SPOCK3: variants seen among roughly 807,000 people sequenced by gnomAD.
The protein encoded by SPOCK3 is testican-3.
In SPOCK3, 30 loss-of-function variants were observed where a neutral mutation model predicts 56.6. That is an observed-to-expected ratio of 0.53 (90% CI 0.40 to 0.72). The LOEUF (loss-of-function observed/expected upper bound fraction) is 0.72, where lower values mean the gene tolerates loss of function less well. Among genes scored for constraint, SPOCK3 ranks in the 30% least tolerant of loss-of-function variants. The pLI, the probability that SPOCK3 is intolerant of heterozygous loss-of-function variation, is 0.00. For missense variants in SPOCK3, 527 were observed against 530.0 expected (o/e 0.99, Z 0.06); for synonymous variants, 196 against 183.3 (o/e 1.07, Z -0.56).
intron 5 of SPOCK3, among the ~76,000 whole-genome samples, chr4:166,899,016 C>T (rs1735712749): frequency 6.6e-6 from 1 of 152,000 alleles, no homozygotes; most frequent in Non-Finnish European, 1.5e-5. Context: ...AATTGCCTCT[C>T]TCTGCTTGAG....
At chr4:167,010,825 G>A (rs1371189141) in intron 3 of SPOCK3, among the ~76,000 whole-genome samples, 1 of 152,048 alleles carries the variant, frequency 6.6e-6, no homozygotes, top group Non-Finnish European at 1.5e-5. Flanking sequence ...TCCAGTGGGG[G>A]GGAGATAAAA....
chr4:167,109,121 T>TTTATATAA lies in SPOCK3; in HGVS notation c.190-46585_190-46584insTTATATAA, dbSNP rs1760548100. 1.1e-4 allele frequency among the ~76,000 whole-genome samples: 4 copies of TTTATATAA among 34,956 alleles called. 1 individual carries two copies. Among genetic ancestry groups the TTTATATAA allele is most frequent in the Non-Finnish European group, 1.9e-4 (4 of 20,646 alleles). 22.9% of individuals were successfully genotyped at this position (34,956 alleles called of 152,430 possible). A position where few individuals can be genotyped will look rare whatever the true frequency, so the allele number is the denominator to read the frequency against. On this transcript the variant is annotated intron_variant, in intron 2 of 10. Transcript: ENST00000357545. ...TTATATATTTATATAAAAATATATATAAATATTATATATTTATATAAAAAT... is the reference window on the plus strand; with the variant it reads ...TTATATATTTATATAAAAATATATATTTATATAAAAATATTATATATTTATATAAAAAT...
At chr4:166,786,497 G>A (rs1267308205) in intron 7 of SPOCK3, among the ~76,000 whole-genome samples, 1 of 152,114 alleles carries the variant, frequency 6.6e-6, no homozygotes, top group Admixed American at 6.6e-5. Flanking sequence ...CCTGGATCAT[G>A]AGATTAGGAA....
chr4:167,127,281 T>A (rs1467791519), intron 2 of SPOCK3, among the ~76,000 whole-genome samples: 2 of 152,100 alleles, frequency 1.3e-5, no homozygotes, highest in Non-Finnish European at 2.9e-5. Context: ...CACACACACA[T>A]ACACAATCAA....
rs1295608499 is a variant in SPOCK3 at position 167,018,844 on chromosome 4, T to C, written c.236-18381A>G. Among the ~76,000 whole-genome samples, 7 of 152,124 alleles carry C rather than the reference T, an allele frequency of 4.6e-5. No homozygotes were observed. The East Asian group carries it at 1.4e-3, about 30-fold the overall frequency. ...CACTAACTCTATCTTTGAAGGAAGA[T>C]ACTTTCTTTCTCAGTGAAGCCACCT... On this transcript the variant is annotated intron_variant, in intron 3 of 10. Coordinates refer to ENST00000357545, the MANE Select transcript of SPOCK3 (RefSeq NM_001040159.2).
At chr4:166,977,952 A>G (rs990625693) in intron 4 of SPOCK3, among the ~76,000 whole-genome samples, 1 of 152,294 alleles carries the variant, frequency 6.6e-6, no homozygotes, top group African/African-American at 2.4e-5. Context: ...CTTCTGACCC[A>G]AGTCTAGCCA....
chr4:167,194,913 G>C (rs1255199193), intron 2 of SPOCK3, among the ~76,000 whole-genome samples: 1 of 152,132 alleles, frequency 6.6e-6, no homozygotes, highest in Non-Finnish European at 1.5e-5. Flanking sequence ...TCTCCCATTC[G>C]GTCCCTGTAA....
chr4:166,829,820 G>A (rs2094741137), intron 6 of SPOCK3, among the ~76,000 whole-genome samples: 1 of 151,912 alleles, frequency 6.6e-6, no homozygotes, highest in Non-Finnish European at 1.5e-5. Flanking sequence ...TTGTCTAATA[G>A]TATCTTATTA....
chr4:167,149,892 G>A (rs1764277004), intron 2 of SPOCK3, among the ~76,000 whole-genome samples: 1 of 151,746 alleles, frequency 6.6e-6, no homozygotes, highest in South Asian at 2.1e-4. Flanking sequence ...ATGCAGAGAT[G>A]TGAGTTTGAA....
chr4:167,187,107 G>T (rs1732057312), intron 2 of SPOCK3, among the ~76,000 whole-genome samples: 1 of 151,876 alleles, frequency 6.6e-6, no homozygotes, highest in Admixed American at 6.6e-5. Context: ...TAATAGAGTT[G>T]CAAGGATCAT....
At chr4:166,948,763 G>T (rs1447211735) in intron 4 of SPOCK3, among the ~76,000 whole-genome samples, 1 of 151,950 alleles carries the variant, frequency 6.6e-6, no homozygotes, top group Admixed American at 6.6e-5. Context: ...TTTCTCTCTG[G>T]CTGCCCTTAA....
chr4:167,185,863 C>G (rs1006760084), intron 2 of SPOCK3, among the ~76,000 whole-genome samples: 9 of 152,068 alleles, frequency 5.9e-5, no homozygotes, highest in Non-Finnish European at 1.2e-4. Context: ...TTTCCTTCAC[C>G]CTTATCCCAG....
chr4:166,751,638 A>G (rs1736386657), intron 8 of SPOCK3, among the ~76,000 whole-genome samples: 1 of 152,138 alleles, frequency 6.6e-6, no homozygotes, highest in Non-Finnish European at 1.5e-5. Flanking sequence ...TTCAGTAATA[A>G]TTTTATGTAC....
At chr4:166,945,293 T>C (rs1741592372) in intron 4 of SPOCK3, among the ~76,000 whole-genome samples, 1 of 151,954 alleles carries the variant, frequency 6.6e-6, no homozygotes. Flanking sequence ...TGTACATCCA[T>C]ATATACATAT....
At chr4:166,812,206 T>C (rs1007127196) in intron 6 of SPOCK3, among the ~76,000 whole-genome samples, 1 of 151,912 alleles carries the variant, frequency 6.6e-6, no homozygotes, top group Non-Finnish European at 1.5e-5. Flanking sequence ...CAAATCATAG[T>C]AATGCACAAA....
rs144256250 is a variant in SPOCK3 at position 166,736,700 on chromosome 4, G to GGT, written c.1132+765_1132+766dup. Among the ~76,000 whole-genome samples, 1,429 of 150,170 alleles carry GGT rather than the reference G, an allele frequency of 9.5e-3. 12 individuals carry two copies. The highest frequency in any genetic ancestry group is 0.034 in the Middle Eastern group (10 of 290). ...ATTGAAACACAAAGAATTAATTCCT[G>GGT]GTGTGTGTGTGTGTGTGCGCGTGTG... On this transcript the variant is annotated intron_variant, in intron 10 of 10. Transcript: ENST00000357545.
At chr4:166,937,918 C>T (rs1740624177) in intron 4 of SPOCK3, among the ~76,000 whole-genome samples, 1 of 143,722 alleles carries the variant, frequency 7.0e-6, no homozygotes. Flanking sequence ...CACCCGCCAC[C>T]ACGCCCGGCT....
intron 2 of SPOCK3, among the ~76,000 whole-genome samples, chr4:167,150,327 T>C (rs1211923041): frequency 1.3e-5 from 2 of 152,050 alleles, no homozygotes; most frequent in Non-Finnish European, 1.5e-5. Flanking sequence ...AAATGAATAC[T>C]TTAAATACTA....
At chr4:166,916,747 C>T (rs368314049) in intron 4 of SPOCK3, among the ~76,000 whole-genome samples, 10 of 152,264 alleles carry the variant, frequency 6.6e-5, no homozygotes, top group South Asian at 2.1e-4. Context: ...CCACCTCCCT[C>T]GGTCTTAATT....
Sources: gnomAD v4.1 joint callset for allele counts (sites outside exome capture counted in the v4.1 genomes callset) on GRCh38, gnomAD v4.1.1 for gene constraint, MANE v1.5 for transcripts, NCBI Gene and HGNC (gene_info 2026-07-23, HGNC 2026-07-21) for gene names.